MOCOS: variants seen among roughly 807,000 people sequenced by gnomAD.
MOCOS encodes the protein molybdenum cofactor sulfurase.
A neutral mutation model predicts 83.6 loss-of-function variants in MOCOS; 86 were observed. That is an observed-to-expected ratio of 1.03 (90% CI 0.86 to 1.23). The LOEUF is 1.23. Among genes scored for constraint, MOCOS ranks in the 50% most tolerant of loss-of-function variants. The pLI, the probability that MOCOS is intolerant of heterozygous loss-of-function variation, is 0.00. For missense variants in MOCOS, 1,120 were observed against 1,126.9 expected (o/e 0.99, Z 0.09); for synonymous variants, 445 against 434.7 (o/e 1.02, Z -0.29).
At chr18:36,215,454 T>C (rs1325524986) in intron 7 of MOCOS, 62 bp from the exon 8 acceptor site, 6 of 1,494,866 alleles carry the variant, frequency 4.0e-6, no homozygotes, top group Non-Finnish European at 5.5e-6. Flanking sequence ...TTTGCCGAAC[T>C]GTTTCCAGTG....
intron 13 of MOCOS, among the ~76,000 whole-genome samples, chr18:36,261,011 G>C (rs1280120771): frequency 1.3e-5 from 2 of 152,030 alleles, no homozygotes; most frequent in Non-Finnish European, 2.9e-5. Flanking sequence ...CAGTGTGTGG[G>C]AGGGTGAGAC....
rs75201776 is a variant in MOCOS at position 36,199,720 on chromosome 18, A to G, written c.337A>G (p.Thr113Ala). Residue 113 changes from threonine (T) to alanine (A), a missense_variant, in exon 4 of 15, where the codon ACT (threonine) becomes GCT (alanine). Coordinates refer to ENST00000261326, the MANE Select transcript of MOCOS (RefSeq NM_017947.4). Reference protein sequence around the residue: ...AHFHTTAEDYTVIFTAGSTAA... With the variant: ...AHFHTTAEDYAVIFTAGSTAA... ...CTTCCACACCACCGCAGAAGACTAC[A>G]CTGTGATCTTCACTGCCGGGAGCAC... 157 of 1,614,084 alleles carry G rather than the reference A, an allele frequency of 9.7e-5. 1 individual carries two copies. The African/African-American group carries it at 1.9e-3, about 19-fold the overall frequency.
intron 6 of MOCOS, among the ~76,000 whole-genome samples, chr18:36,206,276 T>G (rs1311258920): frequency 7.1e-6 from 1 of 141,450 alleles, no homozygotes; most frequent in Non-Finnish European, 1.5e-5. Flanking sequence ...AGATGGAGTC[T>G]TGCTCTGTCA....
At chr18:36,208,885 G>A (rs2091444005) in intron 6 of MOCOS, among the ~76,000 whole-genome samples, 1 of 152,194 alleles carries the variant, frequency 6.6e-6, no homozygotes, top group South Asian at 2.1e-4. Context: ...TTCAAGGGAA[G>A]GGCTTGCAGC....
chr18:36,251,414 C>G (rs2091621440), intron 11 of MOCOS, 131 bp downstream of exon 11: 1 of 1,246,754 alleles, frequency 8.0e-7, no homozygotes. Context: ...CAGCCTTTAG[C>G]AGAAACCTAC....
chr18:36,222,319 A>G (rs2091499244), intron 9 of MOCOS, among the ~76,000 whole-genome samples: 1 of 152,164 alleles, frequency 6.6e-6, no homozygotes. Flanking sequence ...ATTGTTTTTC[A>G]TATTAACTGA....
At chr18:36,208,196 A>T (rs558984251) in intron 6 of MOCOS, among the ~76,000 whole-genome samples, 2 of 152,302 alleles carry the variant, frequency 1.3e-5, no homozygotes, top group Non-Finnish European at 2.9e-5. Flanking sequence ...TGATTACTGT[A>T]GCCTTGTAGT....
chr18:36,219,764 CACTGTAG>C (rs1245236559), intron 8 of MOCOS, among the ~76,000 whole-genome samples: 45 of 152,216 alleles, frequency 3.0e-4, no homozygotes, highest in Non-Finnish European at 5.9e-4. Flanking sequence ...GCTTGCTTTT[CACTGTAG>C]ACTCTTGTAC....
chr18:36,271,865 T>G lies in MOCOS; in HGVS notation c.*3180T>G, dbSNP rs998264112. 9 of 152,184 alleles carry G rather than the reference T, an allele frequency of 5.9e-5. No individual in the cohort carries two copies. Among genetic ancestry groups the G allele is most frequent in the Non-Finnish European group, 1.2e-4 (8 of 68,036 alleles). 9.4% of individuals were successfully genotyped at this position (152,184 alleles called of 1,614,324 possible). On this transcript the variant is annotated 3_prime_UTR_variant, in exon 15 of 15. Coordinates refer to ENST00000261326, the MANE Select transcript of MOCOS (RefSeq NM_017947.4). ...AGAACAGGCAGTGATATACATTTTC[T>G]GCTGTTGAAAGATGTCCGCTTATCC...
intron 6 of MOCOS, among the ~76,000 whole-genome samples, chr18:36,208,351 T>G (rs2091442048): frequency 6.6e-6 from 1 of 152,174 alleles, no homozygotes; most frequent in Non-Finnish European, 1.5e-5. Context: ...ATTGGTAGTT[T>G]GATAGGAATA....
intron 6 of MOCOS, among the ~76,000 whole-genome samples, chr18:36,207,695 C>T (rs977274590): frequency 1.1e-4 from 16 of 151,316 alleles, no homozygotes; most frequent in Admixed American, 2.0e-4. Flanking sequence ...AGATATTAGA[C>T]CTTTATTAGA....
intron 12 of MOCOS, among the ~76,000 whole-genome samples, chr18:36,259,583 A>G (rs749362508): frequency 4.0e-5 from 6 of 149,738 alleles, no homozygotes; most frequent in Non-Finnish European, 8.9e-5. Context: ...AGATCTCAAC[A>G]CCTGTGAAAA....
intron 9 of MOCOS, among the ~76,000 whole-genome samples, chr18:36,237,196 T>C (rs1456666792): frequency 4.1e-5 from 6 of 145,994 alleles, no homozygotes; most frequent in Non-Finnish European, 7.5e-5. Flanking sequence ...AGAGAGGGCA[T>C]CCCTGTCTTG....
rs576354718 is a variant in MOCOS at position 36,194,663 on chromosome 18, G to A, written c.143-594G>A. On this transcript the variant is annotated intron_variant, in intron 1 of 14. Coordinates refer to ENST00000261326, the MANE Select transcript of MOCOS (RefSeq NM_017947.4). The stretch of plus-strand genomic sequence containing the variant: ...GTACCTGTGTACCCTCCTACCAGCC[G>A]TGTACCAGTGAGCTTGTTTCGCCAC... 1.0e-3 allele frequency among the ~76,000 whole-genome samples: 153 copies of A among 152,306 alleles called. 1 individual carries two copies. Among genetic ancestry groups the A allele is most frequent in the African/African-American group, 3.3e-3 (138 of 41,572 alleles).
intron 9 of MOCOS, among the ~76,000 whole-genome samples, chr18:36,226,312 A>G (rs1416779063): frequency 6.6e-6 from 1 of 152,166 alleles, no homozygotes; most frequent in African/African-American, 2.4e-5. Context: ...CTTAAAGTCC[A>G]TTTTAATGGA....
chr18:36,197,654 T>A (rs1375900563), intron 2 of MOCOS, among the ~76,000 whole-genome samples: 1 of 152,170 alleles, frequency 6.6e-6, no homozygotes, highest in Non-Finnish European at 1.5e-5. Context: ...ATGCCTGTTG[T>A]GCTAGCTATT....
rs190471851 is a variant in MOCOS, at chr18:36,190,892, C to T, written c.142+3211C>T. Reference sequence around the variant, plus strand: ...TCTACTAAAAATATAAAAAAATTAGCCCGGTGTGGTGGCACATGCCTGTAA... The same window carrying T: ...TCTACTAAAAATATAAAAAAATTAGTCCGGTGTGGTGGCACATGCCTGTAA... On this transcript the variant is annotated intron_variant, in intron 1 of 14. Coordinates refer to ENST00000261326, the MANE Select transcript of MOCOS (RefSeq NM_017947.4). Among the ~76,000 whole-genome samples, 400 of 151,922 alleles carry T rather than the reference C, an allele frequency of 2.6e-3. 4 individuals are homozygous for T. The highest frequency in any genetic ancestry group is 8.8e-3 in the African/African-American group (365 of 41,442).
At chr18:36,266,421 C>T (rs1051368061) in intron 13 of MOCOS, among the ~76,000 whole-genome samples, 1 of 152,244 alleles carries the variant, frequency 6.6e-6, no homozygotes, top group African/African-American at 2.4e-5. Context: ...CAGGTGTGAG[C>T]CACCATGCTG....
intron 8 of MOCOS, among the ~76,000 whole-genome samples, chr18:36,218,619 A>T (rs2091483515): frequency 6.6e-6 from 1 of 151,990 alleles, no homozygotes; most frequent in South Asian, 2.1e-4. Context: ...GTCTCAAGCT[A>T]TCCTCCCGCC....
Sources: allele counts gnomAD v4.1 joint callset (sites outside exome capture counted in the v4.1 genomes callset), GRCh38; gene constraint gnomAD v4.1.1; transcripts MANE v1.5; gene names NCBI Gene and HGNC (gene_info 2026-07-23, HGNC 2026-07-21).